SPTBN1: variants seen among roughly 807,000 people sequenced by gnomAD.
SPTBN1 encodes the protein spectrin beta chain, non-erythrocytic 1.
Under a neutral mutation model 266.4 loss-of-function variants are expected in SPTBN1, and 32 were observed. The observed-to-expected ratio is 0.12, with a 90% CI of 0.09 to 0.16. The LOEUF is 0.16. SPTBN1 is among the 10% of genes least tolerant of loss of function. The pLI is 1.00. For synonymous variants in SPTBN1, 1,336 were observed against 1,162.2 expected (o/e 1.15, Z -3.04); for missense variants, 2,296 against 3,067.1 (o/e 0.75, Z 5.94).
intron 2 of SPTBN1, among the ~76,000 whole-genome samples, chr2:54,556,922 T>C (rs1358987835): frequency 6.6e-6 from 1 of 152,196 alleles, no homozygotes; most frequent in African/African-American, 2.4e-5. Flanking sequence ...ACTCAGGTCT[T>C]GGGAATCCTA....
At chr2:54,660,217 A>G (rs1473048800) in intron 32 of SPTBN1, 2 of 1,422,810 alleles carry the variant, frequency 1.4e-6, no homozygotes, top group African/African-American at 1.4e-5. Flanking sequence ...ATTTGTTTGC[A>G]TTTAATTCAT....
intron 1 of SPTBN1, among the ~76,000 whole-genome samples, chr2:54,487,012 A>G (rs1051122769): frequency 6.6e-6 from 1 of 152,162 alleles, no homozygotes; most frequent in African/African-American, 2.4e-5. Context: ...GAGGCTAGCA[A>G]TATAATAATG....
intron 2 of SPTBN1, among the ~76,000 whole-genome samples, chr2:54,566,455 T>C (rs2104499177): frequency 6.6e-6 from 1 of 152,296 alleles, no homozygotes; most frequent in East Asian, 1.9e-4. Context: ...CCCAAAGTCC[T>C]GGAATTATAA....
chr2:54,487,045 A>G (rs1443816823), intron 1 of SPTBN1, among the ~76,000 whole-genome samples: 2 of 152,158 alleles, frequency 1.3e-5, no homozygotes, highest in African/African-American at 2.4e-5. Flanking sequence ...TATATGAGCT[A>G]GTTCTTACAT....
At chr2:54,562,190 G>C (rs947199478) in intron 2 of SPTBN1, among the ~76,000 whole-genome samples, 6 of 152,176 alleles carry the variant, frequency 3.9e-5, no homozygotes, top group Non-Finnish European at 8.8e-5. Context: ...GAACTGTGTA[G>C]TAACAGAGGT....
chr2:54,551,331 A>G (rs1672553418), intron 2 of SPTBN1, among the ~76,000 whole-genome samples: 2 of 152,194 alleles, frequency 1.3e-5, no homozygotes, highest in African/African-American at 4.8e-5. Flanking sequence ...TAACCACTCT[A>G]CCTGCAACAG....
At chr2:54,563,553 G>A (rs1673461328) in intron 2 of SPTBN1, among the ~76,000 whole-genome samples, 1 of 146,058 alleles carries the variant, frequency 6.8e-6, no homozygotes, top group Admixed American at 6.8e-5. Context: ...AGAAAGTGAA[G>A]TGCTGATTTT....
intron 1 of SPTBN1, among the ~76,000 whole-genome samples, chr2:54,477,222 G>T (rs1285766098): frequency 2.0e-5 from 3 of 152,144 alleles, no homozygotes; most frequent in Non-Finnish European, 4.4e-5. Context: ...TTTTATGCCT[G>T]CGTATGTAAC....
intron 2 of SPTBN1, among the ~76,000 whole-genome samples, chr2:54,572,346 A>G (rs1384631433): frequency 4.6e-5 from 7 of 152,204 alleles, no homozygotes; most frequent in Admixed American, 4.6e-4. Context: ...ATTGAAATCT[A>G]TCCATTCTTC....
At chr2:54,604,413 A>G (rs970830232) in intron 3 of SPTBN1, among the ~76,000 whole-genome samples, 4 of 151,900 alleles carry the variant, frequency 2.6e-5, no homozygotes, top group Admixed American at 2.6e-4. Flanking sequence ...TTGCGGTTGT[A>G]ATTACTCCAT....
intron 2 of SPTBN1, among the ~76,000 whole-genome samples, chr2:54,594,772 A>G (rs1462406047): frequency 6.6e-6 from 1 of 151,610 alleles, no homozygotes; most frequent in Non-Finnish European, 1.5e-5. Flanking sequence ...AGTGATTTAC[A>G]TAACTTCTAA....
chr2:54,505,432 G>A (rs975765030), intron 1 of SPTBN1, among the ~76,000 whole-genome samples: 6 of 152,116 alleles, frequency 3.9e-5, no homozygotes, highest in African/African-American at 7.2e-5. Flanking sequence ...ACAACAAATC[G>A]AATACCTCTC....
chr2:54,575,329 C>T (rs151311097), intron 2 of SPTBN1, among the ~76,000 whole-genome samples: 1 of 152,180 alleles, frequency 6.6e-6, no homozygotes, highest in Non-Finnish European at 1.5e-5. Flanking sequence ...TTCTGCAACT[C>T]CAGAGGATTC....
chr2:54,629,316 A>C lies in SPTBN1; in HGVS notation c.2182A>C (p.Asn728His). ...CATTTACATCCGGGAGCAGTGGGCC[A>C]ACCTAGAGCAGCTCTCGGCCATTCG... Reference protein sequence around the residue: ...RIIYIREQWANLEQLSAIRKK... With the variant: ...RIIYIREQWAHLEQLSAIRKK... Residue 728 changes from asparagine (N) to histidine (H), a missense_variant, in exon 14 of 36, where the codon AAC becomes CAC. By Grantham distance (68) the Asn-to-His change is moderately conservative. Around this residue, in one of 12 missense-constraint regions of SPTBN1, gnomAD observed 434 missense variants for 573.9 expected, o/e 0.76. Coordinates refer to ENST00000356805, the MANE Select transcript of SPTBN1 (RefSeq NM_003128.3). 6.2e-7 allele frequency: 1 copy of C among 1,614,052 alleles called. No homozygotes were observed. The highest frequency in any genetic ancestry group is 1.1e-5 in the South Asian group (1 of 91,086).
intron 2 of SPTBN1, chr2:54,528,742 T>C (rs1670998970): frequency 6.6e-6 from 1 of 151,240 alleles, no homozygotes; most frequent in Admixed American, 6.6e-5. Context: ...GCAGAGAGCA[T>C]TGCTAGTGAG....
At chr2:54,469,418 G>A (rs965423566) in intron 1 of SPTBN1, among the ~76,000 whole-genome samples, 47 of 152,120 alleles carry the variant, frequency 3.1e-4, no homozygotes, top group Admixed American at 6.5e-5. Context: ...CCTTTTCACA[G>A]TTAAGAGGGA....
At chr2:54,500,730 A>G (rs6545413) in intron 1 of SPTBN1, among the ~76,000 whole-genome samples, 118,651 of 151,972 alleles carry the variant, frequency 0.78, 46,705 homozygotes, top group African/African-American at 0.89. Context: ...TATAGATGGG[A>G]TTTTGCCATG....
At chr2:54,526,324 C>T (rs773956333) in intron 1 of SPTBN1, 48 bp from the exon 2 acceptor site, 9 of 1,487,142 alleles carry the variant, frequency 6.1e-6, no homozygotes, top group Non-Finnish European at 8.2e-6. Flanking sequence ...TCCGTGGGGA[C>T]TGTATACACT....
At chr2:54,612,400 G>C in intron 4 of SPTBN1, 66 bp downstream of exon 4, 4 of 1,514,438 alleles carry the variant, frequency 2.6e-6, no homozygotes, top group Non-Finnish European at 2.7e-6. Flanking sequence ...CATTGTTATA[G>C]AGCTGGCCTC....
Sources: gnomAD v4.1 joint callset for allele counts (sites outside exome capture counted in the v4.1 genomes callset) on GRCh38, gnomAD v4.1.1 for gene constraint, gnomAD v4.1.1 regional missense constraint, MANE v1.5 for transcripts, NCBI Gene and HGNC (gene_info 2026-07-23, HGNC 2026-07-21) for gene names.